Variants in SASH1 observed in about 807,000 individuals in gnomAD.
SASH1 encodes the protein SAM and SH3 domain-containing protein 1.
Under a neutral mutation model 125.2 loss-of-function variants are expected in SASH1, and 44 were observed. That is an observed-to-expected ratio of 0.35 (90% CI 0.28 to 0.45). The LOEUF (loss-of-function observed/expected upper bound fraction) is 0.45. SASH1 is among the 20% of genes least tolerant of loss of function. SASH1 has a pLI of 1.00. For synonymous variants in SASH1, 639 were observed against 649.1 expected, an observed-to-expected ratio of 0.98 and a Z score of 0.24; for missense variants, 1,426 against 1,614.5, an observed-to-expected ratio of 0.88 and a Z score of 2.00.
the SASH1 span, among the ~76,000 whole-genome samples, chr6:148,267,247 G>A: frequency 6.6e-6 from 1 of 152,060 alleles, no homozygotes; most frequent in Non-Finnish European, 1.5e-5. Flanking sequence ...TCAAGTCAGC[G>A]GTTCTAAACT....
rs1454924855 is a variant in SASH1, at chr6:148,428,498, A to G, written c.286-11686A>G. Among the ~76,000 whole-genome samples, 7 of 152,060 alleles carry G rather than the reference A, an allele frequency of 4.6e-5. No individual in the cohort carries two copies. The East Asian group carries it at 1.4e-3, about 29-fold the overall frequency. On this transcript the variant is annotated intron_variant, in intron 2 of 19. Coordinates refer to ENST00000367467, the MANE Select transcript of SASH1 (RefSeq NM_015278.5). ...ACAAAAATTAGCTAGGTGTGGTGGT[A>G]CACATCTGTAATCCCAGCTACTCGG...
intron 1 of SASH1, among the ~76,000 whole-genome samples, chr6:148,286,855 C>A (rs528994743): frequency 3.9e-4 from 60 of 152,260 alleles, no homozygotes; most frequent in African/African-American, 1.3e-3. Context: ...CTCTAAGCTA[C>A]TTAGGGAACT....
intron 7 of SASH1, among the ~76,000 whole-genome samples, chr6:148,476,345 C>T (rs1778345616): frequency 6.7e-6 from 1 of 148,514 alleles, no homozygotes; most frequent in Admixed American, 6.7e-5. Context: ...ATTAAAATGG[C>T]TATGCTACCC....
rs112020886 is a variant in SASH1, at chr6:148,300,023, C to T, written n.74+27646C>T. Among the ~76,000 whole-genome samples, 1,105 of 152,202 alleles carry T rather than the reference C, an allele frequency of 7.3e-3. 12 individuals are homozygous for T. The highest frequency in any genetic ancestry group is 0.024 in the African/African-American group (1,010 of 41,530). On this transcript the variant is annotated intron_variant and non_coding_transcript_variant, in intron 1 of 3. Coordinates refer to the SASH1 transcript ENST00000367469. ...TCAGTTTGGCAACACACTGCAGCTCCCATTCTACACTTGAGAGGCAGTAAA... is the reference window on the plus strand; with the variant it reads ...TCAGTTTGGCAACACACTGCAGCTCTCATTCTACACTTGAGAGGCAGTAAA...
upstream of SASH1, among the ~76,000 whole-genome samples, chr6:148,268,148 TA>T (rs967609972): frequency 3.9e-5 from 6 of 152,202 alleles, no homozygotes; most frequent in Admixed American, 1.3e-4. Flanking sequence ...TTTGCAATGA[TA>T]AGAAACTTTT....
In SASH1 at chr6:148,306,883, T is replaced by A. The variant is rs145848716; in HGVS notation, n.74+34506T>A. ...ACCTCTAGGAACTCACTCTGTGCAA[T>A]GTGCTCAAGCAGAGGTGGGTCAGAT... On this transcript the variant is annotated intron_variant and non_coding_transcript_variant, in intron 1 of 3. Coordinates refer to the SASH1 transcript ENST00000367469. Among the ~76,000 whole-genome samples, 5 of 152,250 alleles carry A rather than the reference T, an allele frequency of 3.3e-5. No individual in the cohort carries two copies. The East Asian group carries it at 9.7e-4, about 29-fold the overall frequency.
At chr6:148,251,706 A>AT in the SASH1 span, among the ~76,000 whole-genome samples, 7 of 151,764 alleles carry the variant, frequency 4.6e-5, no homozygotes, top group African/African-American at 1.7e-4. Flanking sequence ...ATTATACTTT[A>AT]AGTTTTAGGG....
chr6:148,273,019 A>G (rs1779100983), intron 1 of SASH1, among the ~76,000 whole-genome samples: 1 of 152,064 alleles, frequency 6.6e-6, no homozygotes, highest in South Asian at 2.1e-4. Flanking sequence ...CAGAACTTTG[A>G]GAGGCCGGGG....
At chr6:148,456,886 A>G (rs1583191488) in intron 4 of SASH1, among the ~76,000 whole-genome samples, 1 of 149,182 alleles carries the variant, frequency 6.7e-6, no homozygotes, top group East Asian at 2.0e-4. Context: ...TAATAATAAT[A>G]ATAATAATAA....
chr6:148,363,874 G>A (rs1380680098), intron 1 of SASH1, among the ~76,000 whole-genome samples: 1 of 152,000 alleles, frequency 6.6e-6, no homozygotes, highest in Non-Finnish European at 1.5e-5. Context: ...TGGAGAAAAT[G>A]GAAACCACTT....
the SASH1 span, among the ~76,000 whole-genome samples, chr6:148,221,204 TTTA>T: frequency 6.6e-6 from 1 of 152,236 alleles, no homozygotes; most frequent in Non-Finnish European, 1.5e-5. Context: ...TTTATTTTTT[TTTA>T]TTATTAACAG....
At chr6:148,325,856 G>A (rs969229757) in intron 1 of SASH1, among the ~76,000 whole-genome samples, 3 of 152,014 alleles carry the variant, frequency 2.0e-5, no homozygotes, top group East Asian at 1.9e-4. Context: ...TATTTGCCCC[G>A]ATGCCATGGT....
In SASH1 at chr6:148,533,717, T is replaced by A. The variant is rs1289579429; in HGVS notation, c.1735-54T>A. Reference sequence around the variant, plus strand: ...CCTGTGTATCTGACAGATTCTTGATTTGTACGTTCATGGAATGTACCTAAT... The same window carrying A: ...CCTGTGTATCTGACAGATTCTTGATATGTACGTTCATGGAATGTACCTAAT... On this transcript the variant is annotated intron_variant, in intron 14 of 19. Transcript: ENST00000367467. The surrounding 1 kb of genome is among the most constrained non-coding windows in gnomAD (Gnocchi z 6.2). 1.8e-5 allele frequency: 27 copies of A among 1,501,274 alleles called. No individual in the cohort carries two copies. Among genetic ancestry groups the A allele is most frequent in the Non-Finnish European group, 2.4e-5 (26 of 1,088,512 alleles). The allele number at this position is 1,501,274 out of a possible 1,614,324, so 93.0% of individuals were successfully genotyped here. A position where few individuals can be genotyped will look rare whatever the true frequency, so the allele number is the denominator to read the frequency against.
At chr6:148,232,081 C>T in the SASH1 span, among the ~76,000 whole-genome samples, 8 of 152,026 alleles carry the variant, frequency 5.3e-5, no homozygotes, top group Admixed American at 1.3e-4. Flanking sequence ...CACCAAAGTC[C>T]ATGCTCTTAC....
At chr6:148,290,662 A>C (rs1056725536) in intron 1 of SASH1, among the ~76,000 whole-genome samples, 4 of 151,862 alleles carry the variant, frequency 2.6e-5, no homozygotes, top group African/African-American at 4.8e-5. Flanking sequence ...AGATGCTTGA[A>C]GGCAGCATAC....
intron 2 of SASH1, among the ~76,000 whole-genome samples, chr6:148,425,590 A>G (rs9390568): frequency 0.87 from 132,768 of 152,114 alleles, 58,042 homozygotes; most frequent in South Asian, 0.93. Flanking sequence ...TAAGCTCAAC[A>G]TTCTTGAAAA....
Position 148,509,643 on chromosome 6 carries a change from G to C in SASH1, c.730-4681G>C, listed in dbSNP as rs547767107. On this transcript the variant is annotated intron_variant, in intron 8 of 19. Coordinates refer to ENST00000367467, the MANE Select transcript of SASH1 (RefSeq NM_015278.5). Reference sequence around the variant, plus strand: ...GCACAACTGTGCCATATGGCTTTTGGAAAGGATTTGTTCTGCACACTGCAG... The same window carrying C: ...GCACAACTGTGCCATATGGCTTTTGCAAAGGATTTGTTCTGCACACTGCAG... 2.6e-5 allele frequency among the ~76,000 whole-genome samples: 4 copies of C among 152,322 alleles called. No individual in the cohort carries two copies. The South Asian group carries it at 6.2e-4, about 24-fold the overall frequency.
intron 1 of SASH1, among the ~76,000 whole-genome samples, chr6:148,277,041 G>A (rs193196753): frequency 5.3e-5 from 8 of 152,092 alleles, no homozygotes; most frequent in African/African-American, 1.7e-4. Context: ...ACAACAACAC[G>A]GTGTGGTAGA....
At position 148,490,149 on chromosome 6, in the gene SASH1, A is replaced by C. The variant is rs138403995; in HGVS notation, c.729+2434A>C. On this transcript the variant is annotated intron_variant, in intron 8 of 19. Coordinates refer to ENST00000367467, the MANE Select transcript of SASH1 (RefSeq NM_015278.5). ...ATTCACACTGTTTCAATATGACCAA[A>C]ACAGTGCTTCTTATTCTACAAGTTC... Among the ~76,000 whole-genome samples, 453 of 151,988 alleles carry C rather than the reference A, an allele frequency of 3.0e-3. 9 individuals are homozygous for C. Among genetic ancestry groups the C allele is most frequent in the Non-Finnish European group, 1.2e-3 (81 of 68,004 alleles).
Sources: allele counts gnomAD v4.1 joint callset (sites outside exome capture counted in the v4.1 genomes callset), GRCh38; gene constraint gnomAD v4.1.1; non-coding constraint Gnocchi (gnomAD v3.1); transcripts MANE v1.5; gene names NCBI Gene and HGNC (gene_info 2026-07-23, HGNC 2026-07-21).